The following NAALADL2 variants were observed in gnomAD, a reference collection of about 807,000 sequenced individuals.
The protein encoded by NAALADL2 is N-acetylated alpha-linked acidic dipeptidase like 2.
In NAALADL2, 76 loss-of-function variants were observed where a neutral mutation model predicts 87.2. The ratio of observed to expected loss-of-function variants is 0.87; its 90% CI spans 0.72 to 1.05. NAALADL2 has a LOEUF of 1.05. Among genes scored for constraint, NAALADL2 ranks in the 50% least tolerant of loss-of-function variants. NAALADL2 has a pLI of 0.00. For missense variants in NAALADL2, 1,089 were observed against 945.8 expected (o/e 1.15, Z -1.99); for synonymous variants, 354 against 331.0 (o/e 1.07, Z -0.75).
chr3:175,430,737 T>G (rs975031015), intron 5 of NAALADL2, among the ~76,000 whole-genome samples: 2 of 152,066 alleles, frequency 1.3e-5, no homozygotes, highest in African/African-American at 4.8e-5. Context: ...AAATGTTTAT[T>G]CTCACACTAT....
chr3:174,786,109 A>G (rs183035954), intron 3 of NAALADL2, among the ~76,000 whole-genome samples: 4 of 152,136 alleles, frequency 2.6e-5, no homozygotes, highest in South Asian at 2.1e-4. Context: ...TCATGCTGCC[A>G]TCTGATTATT....
At chr3:175,567,718 C>CTTTTT (rs536353071) in intron 9 of NAALADL2, among the ~76,000 whole-genome samples, 1 of 138,186 alleles carries the variant, frequency 7.2e-6, no homozygotes. Flanking sequence ...TTTTTCTTTT[C>CTTTTT]TTTTTTTTTT....
At chr3:175,412,769 G>A (rs1297986737) in intron 5 of NAALADL2, among the ~76,000 whole-genome samples, 1 of 151,322 alleles carries the variant, frequency 6.6e-6, no homozygotes, top group Non-Finnish European at 1.5e-5. Flanking sequence ...TGTATCTTGT[G>A]TTAAATTTCA....
At chr3:175,597,781 C>A (rs1318535170) in intron 10 of NAALADL2, among the ~76,000 whole-genome samples, 1 of 152,076 alleles carries the variant, frequency 6.6e-6, no homozygotes, top group African/African-American at 2.4e-5. Context: ...ATAAAATTGT[C>A]CCCAGTTGAG....
At chr3:175,732,954 G>A (rs927989398) in intron 11 of NAALADL2, among the ~76,000 whole-genome samples, 9 of 152,042 alleles carry the variant, frequency 5.9e-5, no homozygotes, top group Non-Finnish European at 1.0e-4. Context: ...GCTAATGCAC[G>A]CAGGGCTTAA....
At chr3:175,034,464 A>C (rs1223838737) in intron 1 of NAALADL2, among the ~76,000 whole-genome samples, 1 of 152,056 alleles carries the variant, frequency 6.6e-6, no homozygotes, top group Admixed American at 6.6e-5. Context: ...TCAAATTAGA[A>C]CTGTTTCCTT....
At chr3:174,891,694 G>C (rs750911381) in intron 1 of NAALADL2, among the ~76,000 whole-genome samples, 1 of 152,118 alleles carries the variant, frequency 6.6e-6, no homozygotes, top group Non-Finnish European at 1.5e-5. Context: ...AGTGCTCTTG[G>C]TCTCTAAGTA....
intron 5 of NAALADL2, among the ~76,000 whole-genome samples, chr3:175,356,946 G>A (rs1033754935): frequency 2.6e-5 from 4 of 151,978 alleles, no homozygotes; most frequent in Admixed American, 6.6e-5. Context: ...GTGAGGTCTC[G>A]GGAGACTGGA....
chr3:175,503,944 C>A (rs1351298355), intron 9 of NAALADL2, among the ~76,000 whole-genome samples: 1 of 152,072 alleles, frequency 6.6e-6, no homozygotes, highest in Non-Finnish European at 1.5e-5. Context: ...TTAGGCCCTG[C>A]TTGTTAATTT....
chr3:174,903,962 T>C (rs1034733484), intron 1 of NAALADL2, among the ~76,000 whole-genome samples: 3 of 147,654 alleles, frequency 2.0e-5, no homozygotes, highest in Non-Finnish European at 3.0e-5. Flanking sequence ...AATATCTATA[T>C]CTATATCTAT....
At chr3:174,829,685 C>A (rs1267487739) in intron 3 of NAALADL2, among the ~76,000 whole-genome samples, 1 of 141,320 alleles carries the variant, frequency 7.1e-6, no homozygotes, top group Non-Finnish European at 1.5e-5. Context: ...CCTGAGGAAT[C>A]GCCACACTGA....
At chr3:175,676,302 C>T (rs1429273986) in intron 11 of NAALADL2, 3 of 152,104 alleles carry the variant, frequency 2.0e-5, no homozygotes, top group African/African-American at 7.2e-5. Flanking sequence ...TGAGTTGGCA[C>T]CAGCACCAAG....
chr3:174,916,304 G>T (rs929318998), intron 1 of NAALADL2, among the ~76,000 whole-genome samples: 14 of 152,094 alleles, frequency 9.2e-5, no homozygotes, highest in African/African-American at 3.4e-4. Flanking sequence ...AAACAGTATG[G>T]AAATTCCTTA....
chr3:174,877,895 A>T (rs73881541), intron 1 of NAALADL2, among the ~76,000 whole-genome samples: 1 of 152,084 alleles, frequency 6.6e-6, no homozygotes, highest in Admixed American at 6.6e-5. Flanking sequence ...ACAAACAATT[A>T]TAGCCCAGCA....
chr3:175,393,435 T>C (rs1234149432), intron 5 of NAALADL2, among the ~76,000 whole-genome samples: 1 of 151,932 alleles, frequency 6.6e-6, no homozygotes, highest in African/African-American at 2.4e-5. Context: ...TGAAATCATA[T>C]TTTTTTAATT....
At chr3:175,538,894 C>T (rs1352058894) in intron 9 of NAALADL2, among the ~76,000 whole-genome samples, 1 of 152,102 alleles carries the variant, frequency 6.6e-6, no homozygotes, top group Non-Finnish European at 1.5e-5. Flanking sequence ...AGCTCAAGGA[C>T]AGATTTACTA....
chr3:175,207,109 C>T (rs1741057727), intron 2 of NAALADL2, among the ~76,000 whole-genome samples: 1 of 151,986 alleles, frequency 6.6e-6, no homozygotes. Context: ...GTTATAAATG[C>T]ATTAGAGTAT....
At chr3:175,444,088 T>C (rs1486744329) in intron 5 of NAALADL2, among the ~76,000 whole-genome samples, 1 of 152,108 alleles carries the variant, frequency 6.6e-6, no homozygotes, top group African/African-American at 2.4e-5. Flanking sequence ...AGAAAACTGA[T>C]AGGAAGTAAT....
intron 2 of NAALADL2, among the ~76,000 whole-genome samples, chr3:175,172,275 C>A (rs921730806): frequency 3.3e-5 from 5 of 150,358 alleles, no homozygotes; most frequent in African/African-American, 1.2e-4. Flanking sequence ...TATATATAGT[C>A]ATTTTAAACC....
Sources: gnomAD v4.1 joint callset for allele counts (sites outside exome capture counted in the v4.1 genomes callset) on GRCh38, gnomAD v4.1.1 for gene constraint, MANE v1.5 for transcripts, NCBI Gene and HGNC (gene_info 2026-07-23, HGNC 2026-07-21) for gene names.